Variants in TBX4 observed in about 807,000 individuals in gnomAD.
TBX4 encodes T-box transcription factor TBX4.
TBX4 carries 13 observed loss-of-function variants against 54.6 expected under a neutral mutation model. That is an observed-to-expected ratio of 0.24 (90% confidence interval 0.15 to 0.38). The LOEUF is 0.38. TBX4 is among the 10% of genes least tolerant of loss of function. The probability of loss-of-function intolerance (pLI) is 1.00; values close to 1 mark genes in which losing one functional copy is unlikely to be tolerated. For missense variants in TBX4, 631 were observed against 728.5 expected, an observed-to-expected ratio of 0.87 and a Z score of 1.54; for synonymous variants, 314 against 306.7, an observed-to-expected ratio of 1.02 and a Z score of -0.25.
In TBX4 at chr17:61,476,495, C is replaced by T. The variant is rs2060621036; in HGVS notation, c.550-2132C>T. Among the ~76,000 whole-genome samples the T allele has an allele frequency of 1.3e-5, 2 of 152,206 alleles. No homozygotes were observed. Among genetic ancestry groups the T allele is most frequent in the Admixed American group, 6.5e-5 (1 of 15,286 alleles). ...TGCCTGCAGCTCTGTGAATAGTGCA[C>T]GGTGATGGAGTCACCTAAAGGGGCT... On this transcript the variant is annotated intron_variant, in intron 5 of 8. Coordinates refer to ENST00000644296, the MANE Select transcript of TBX4 (RefSeq NM_001321120.2). This position sits in a 1 kb window ranked among gnomAD's most constrained non-coding sequence, Gnocchi z 6.5.
At position 61,459,590 on chromosome 17, in the gene TBX4, C is replaced by A. The variant is rs2060480260; in HGVS notation, c.281+1959C>A. On this transcript the variant is annotated intron_variant, in intron 3 of 8. Coordinates refer to ENST00000644296, the MANE Select transcript of TBX4 (RefSeq NM_001321120.2). The surrounding 1 kb of genome is among the most constrained non-coding windows in gnomAD (Gnocchi z 4.8). ...TCCTCAGTAGTGTTTCCTGCATCTG[C>A]ATGGGTCCTCCTCCTCCCTCTCCCA... Among the ~76,000 whole-genome samples the A allele has an allele frequency of 1.3e-5, 2 of 152,236 alleles. No homozygotes were observed. The highest frequency in any genetic ancestry group is 1.3e-4 in the Admixed American group (2 of 15,278).
At chr17:61,471,594 C>A (rs575312488) in intron 5 of TBX4, among the ~76,000 whole-genome samples, 1 of 148,824 alleles carries the variant, frequency 6.7e-6, no homozygotes, top group Admixed American at 6.7e-5. Context: ...GGAATCCCCT[C>A]TTTTACACAC....
rs375128049 is a variant in TBX4 at position 61,483,075 on chromosome 17, C to T, written c.1200C>T (p.Pro400=). 129 of 1,614,084 alleles carry T rather than the reference C, an allele frequency of 8.0e-5. No individual in the cohort carries two copies. The highest frequency in any genetic ancestry group is 7.9e-4 in the African/African-American group (59 of 75,004). ...REACMYSGSG[P]EIAGVSGVDD... Reference sequence around the variant, plus strand: ...CATGTATGTACTCAGGTTCAGGGCCCGAGATTGCCGGGGTGTCTGGGGTGG... The same window carrying T: ...CATGTATGTACTCAGGTTCAGGGCCTGAGATTGCCGGGGTGTCTGGGGTGG... The change falls in exon 9 of 9, where the codon CCC becomes CCT. Residue 400 remains proline (P), a synonymous_variant. Coordinates refer to ENST00000644296, the MANE Select transcript of TBX4 (RefSeq NM_001321120.2). The surrounding 1 kb of genome is among the most constrained non-coding windows in gnomAD (Gnocchi z 6.6).
chr17:61,457,444 C>A lies in TBX4; in HGVS notation c.187-93C>A, dbSNP rs968773907. 22 of 1,240,754 alleles carry A rather than the reference C, an allele frequency of 1.8e-5. No individual in the cohort carries two copies. Among genetic ancestry groups the A allele is most frequent in the Non-Finnish European group, 2.6e-5 (22 of 842,572 alleles). 76.9% of individuals were successfully genotyped at this position (1,240,754 alleles called of 1,614,324 possible). A position where few individuals can be genotyped will look rare whatever the true frequency, so the allele number is the denominator to read the frequency against. ...CATGGGCTCCGGGCGGGCAGGGTTC[C>A]GCACAGCTCTTCGGGTCTGGTTCTT... On this transcript the variant is annotated intron_variant, in intron 2 of 8. Coordinates refer to ENST00000644296, the MANE Select transcript of TBX4 (RefSeq NM_001321120.2). The surrounding 1 kb of genome is among the most constrained non-coding windows in gnomAD (Gnocchi z 8.2).
chr17:61,473,877 T>C (rs1176552498), intron 5 of TBX4, among the ~76,000 whole-genome samples: 4 of 152,228 alleles, frequency 2.6e-5, no homozygotes, highest in African/African-American at 9.6e-5. Flanking sequence ...CTGCTGTTGC[T>C]GTGGCAGAAG....
rs2060675069 is a variant in TBX4 at position 61,482,942 on chromosome 17, T to C, written c.1067T>C (p.Leu356Pro). ...HLDLPCKRSY[L>P]EAPSSVGEDH... ...GACTTACCTTGCAAGCGATCCTATC[T>C]GGAAGCCCCCTCTTCGGTGGGGGAG... Residue 356 changes from leucine to proline, a missense_variant, in exon 9 of 9, where the codon CTG becomes CCG. Physicochemically the swap from Leu to Pro is moderately conservative, Grantham distance 98 (BLOSUM62 -3). Coordinates refer to ENST00000644296, the MANE Select transcript of TBX4 (RefSeq NM_001321120.2). 2 of 1,613,864 alleles carry C rather than the reference T, an allele frequency of 1.2e-6. No individual in the cohort carries two copies. The highest frequency in any genetic ancestry group is 1.7e-5 in the Admixed American group (1 of 59,986).
rs924189944 is a variant in TBX4 at position 61,478,022 on chromosome 17, C to CA, written c.550-598dup. Among the ~76,000 whole-genome samples, 32 of 150,456 alleles carry CA rather than the reference C, an allele frequency of 2.1e-4. No homozygotes were observed. Among genetic ancestry groups the CA allele is most frequent in the Non-Finnish European group, 3.1e-4 (21 of 67,436 alleles). Reference sequence around the variant, plus strand: ...ATGCATGAACAAATGAGCAATGTGACAAAAAAAGTTACAGTGGGACATTTT... The same window carrying CA: ...ATGCATGAACAAATGAGCAATGTGACAAAAAAAAGTTACAGTGGGACATTTT... On this transcript the variant is annotated intron_variant, in intron 5 of 8. Coordinates refer to ENST00000644296, the MANE Select transcript of TBX4 (RefSeq NM_001321120.2). The surrounding 1 kb of genome is among the most constrained non-coding windows in gnomAD (Gnocchi z 7.4).
chr17:61,454,514 G>A (rs372012992), intron 1 of TBX4, among the ~76,000 whole-genome samples: 1 of 152,238 alleles, frequency 6.6e-6, no homozygotes, highest in South Asian at 2.1e-4. Context: ...CCGCGAGGAC[G>A]GCCGCCCCGG....
rs2143855081 is a variant in TBX4 at position 61,478,037 on chromosome 17, TG to T, written c.550-587del. ...AGCAATGTGACAAAAAAAGTTACAG[TG>T]GGACATTTTCCTCAGCTTTTTCCCT... On this transcript the variant is annotated intron_variant, in intron 5 of 8. Transcript: ENST00000644296. The surrounding 1 kb of genome is among the most constrained non-coding windows in gnomAD (Gnocchi z 7.4). Among the ~76,000 whole-genome samples the T allele has an allele frequency of 6.6e-6, 1 of 151,498 alleles. No homozygotes were observed. Among genetic ancestry groups the T allele is most frequent in the East Asian group, 2.0e-4 (1 of 5,126 alleles).
chr17:61,478,522 T>G lies in TBX4; in HGVS notation c.550-105T>G. ...GTCGGTAGGCCCCGGATCCTGGGCT[T>G]TGAGGAGAATGAGAAAAACCAGGCC... On this transcript the variant is annotated intron_variant, in intron 5 of 8. Coordinates refer to ENST00000644296, the MANE Select transcript of TBX4 (RefSeq NM_001321120.2). This position sits in a 1 kb window ranked among gnomAD's most constrained non-coding sequence, Gnocchi z 7.4. 1 of 1,505,712 alleles carries G rather than the reference T, an allele frequency of 6.6e-7. No individual in the cohort carries two copies. The highest frequency in any genetic ancestry group is 9.2e-7 in the Non-Finnish European group (1 of 1,085,580). 93.3% of individuals were successfully genotyped at this position (1,505,712 alleles called of 1,614,324 possible).
intron 5 of TBX4, among the ~76,000 whole-genome samples, chr17:61,471,069 A>G (rs1014983032): frequency 3.3e-5 from 5 of 152,228 alleles, no homozygotes; most frequent in African/African-American, 1.2e-4. Flanking sequence ...GGGCTGCATT[A>G]GCCCCTGGGC....
rs2060654185 is a variant in TBX4, at chr17:61,480,235, C to T, written c.937C>T (p.Leu313Phe). The change falls in exon 8 of 9, where the codon CTC becomes TTC. Residue 313 changes from leucine (L) to phenylalanine (F), a missense_variant. By Grantham distance (22) the Leu-to-Phe change is conservative. Coordinates refer to ENST00000644296, the MANE Select transcript of TBX4 (RefSeq NM_001321120.2). The surrounding 1 kb of genome is among the most constrained non-coding windows in gnomAD (Gnocchi z 6.2). ...GCACGAGAACGGGGCACACTCACAG[C>T]TCGCGGAGCCGCAGGACCTGCCCCT... ...YQHENGAHSQ[L>F]AEPQDLPLST... 1.2e-6 allele frequency: 2 copies of T among 1,614,040 alleles called. No individual in the cohort carries two copies. Among genetic ancestry groups the T allele is most frequent in the Non-Finnish European group, 1.7e-6 (2 of 1,180,032 alleles).
In TBX4 at chr17:61,483,571, T is replaced by A. The variant is rs560799982; in HGVS notation, c.*55T>A. 244 of 1,611,402 alleles carry A rather than the reference T, an allele frequency of 1.5e-4. No homozygotes were observed. The African/African-American group carries it at 2.7e-3, about 18-fold the overall frequency. On this transcript the variant is annotated 3_prime_UTR_variant, in exon 9 of 9. Coordinates refer to ENST00000644296, the MANE Select transcript of TBX4 (RefSeq NM_001321120.2). The surrounding 1 kb of genome is among the most constrained non-coding windows in gnomAD (Gnocchi z 6.6). ...CGTGTTGCTCCAGTATTAACCTCTG[T>A]GGGTGGCCTGCACTCTACCAAGAAA...
At position 61,475,594 on chromosome 17, in the gene TBX4, C is replaced by T. The variant is rs1168620667; in HGVS notation, c.550-3033C>T. On this transcript the variant is annotated intron_variant, in intron 5 of 8. Transcript: ENST00000644296. This position sits in a 1 kb window ranked among gnomAD's most constrained non-coding sequence, Gnocchi z 5.0. ...GTTTTATAGATAGAGTCACAGGAAT[C>T]GGTCACTGAGTGGACCTGGAGGTGG... is the stretch of plus-strand genomic sequence containing the variant. 6.6e-6 allele frequency among the ~76,000 whole-genome samples: 1 copy of T among 152,084 alleles called. No individual in the cohort carries two copies. The highest frequency in any genetic ancestry group is 1.5e-5 in the Non-Finnish European group (1 of 68,010).
At position 61,472,467 on chromosome 17, in the gene TBX4, A is replaced by T. The variant is rs546161247; in HGVS notation, c.549+4810A>T. ...GAACTGCTGTTCTCATCCTTTGCTC[A>T]TTTTTCTTGTAGGTTTTTGATATCA... On this transcript the variant is annotated intron_variant, in intron 5 of 8. Coordinates refer to ENST00000644296, the MANE Select transcript of TBX4 (RefSeq NM_001321120.2). The surrounding 1 kb of genome is among the most constrained non-coding windows in gnomAD (Gnocchi z 4.5). Among the ~76,000 whole-genome samples, 1 of 152,142 alleles carries T rather than the reference A, an allele frequency of 6.6e-6. No homozygotes were observed. The highest frequency in any genetic ancestry group is 1.5e-5 in the Non-Finnish European group (1 of 67,996).
Position 61,465,841 on chromosome 17 carries a change from G to C in TBX4, c.304G>C (p.Val102Leu). 6.2e-7 allele frequency: 1 copy of C among 1,614,108 alleles called. No individual in the cohort carries two copies. Among genetic ancestry groups the C allele is most frequent in the Non-Finnish European group, 8.5e-7 (1 of 1,179,996 alleles). ...AGRRMFPSYK[V>L]KVTGMNPKTK... ...CAGGAGGATGTTCCCCAGCTACAAG[G>C]TAAAAGTCACAGGCATGAACCCCAA... is the stretch of plus-strand genomic sequence containing the variant. The change falls in exon 4 of 9, where the codon GTA becomes CTA. Residue 102 changes from valine to leucine, a missense_variant. By Grantham distance (32) the Val-to-Leu change is conservative. Coordinates refer to ENST00000644296, the MANE Select transcript of TBX4 (RefSeq NM_001321120.2). This position sits in a 1 kb window ranked among gnomAD's most constrained non-coding sequence, Gnocchi z 4.9.
intron 1 of TBX4, chr17:61,452,815 A>C (rs949736206): frequency 1.4e-6 from 1 of 711,720 alleles, no homozygotes; most frequent in African/African-American, 1.9e-5. Context: ...CTCCTCTCTG[A>C]GTAACGCGAT....
chr17:61,480,398 C>T lies in TBX4; in HGVS notation c.1021+79C>T, dbSNP rs1000507548. 3.5e-6 allele frequency: 4 copies of T among 1,140,626 alleles called. No homozygotes were observed. Among genetic ancestry groups the T allele is most frequent in the South Asian group, 1.3e-5 (1 of 75,510 alleles). 70.7% of individuals were successfully genotyped at this position (1,140,626 alleles called of 1,614,324 possible). On this transcript the variant is annotated intron_variant, in intron 8 of 8. Transcript: ENST00000644296. This position sits in a 1 kb window ranked among gnomAD's most constrained non-coding sequence, Gnocchi z 6.2. ...TCCCCGAAACCACTCTGCAGCGCCCCCCCCCCCAACACACACACACTCATC... is the reference window on the plus strand; with the variant it reads ...TCCCCGAAACCACTCTGCAGCGCCCTCCCCCCCAACACACACACACTCATC...
rs1055254139 is a variant in TBX4 at position 61,475,415 on chromosome 17, C to T, written c.550-3212C>T. Among the ~76,000 whole-genome samples the T allele has an allele frequency of 1.3e-5, 2 of 152,280 alleles. No homozygotes were observed. Among genetic ancestry groups the T allele is most frequent in the African/African-American group, 4.8e-5 (2 of 41,556 alleles). On this transcript the variant is annotated intron_variant, in intron 5 of 8. Coordinates refer to ENST00000644296, the MANE Select transcript of TBX4 (RefSeq NM_001321120.2). This position sits in a 1 kb window ranked among gnomAD's most constrained non-coding sequence, Gnocchi z 5.0. ...GCAATGCACATCTTCCTGAATTTCCCAGAAGGTTCTGAGCAGGGGAGTGAA... is the reference window on the plus strand; with the variant it reads ...GCAATGCACATCTTCCTGAATTTCCTAGAAGGTTCTGAGCAGGGGAGTGAA...
Sources: gnomAD v4.1 joint callset for allele counts (sites outside exome capture counted in the v4.1 genomes callset) on GRCh38, gnomAD v4.1.1 for gene constraint, Gnocchi (gnomAD v3.1) non-coding constraint, MANE v1.5 for transcripts, NCBI Gene and HGNC (gene_info 2026-07-23, HGNC 2026-07-21) for gene names.